PIGK: variants seen among roughly 807,000 people sequenced by gnomAD.
PIGK encodes phosphatidylinositol glycan anchor biosynthesis class K.
Under a neutral mutation model 50.6 loss-of-function variants are expected in PIGK, and 42 were observed. The observed-to-expected ratio is 0.83, with a 90% confidence interval of 0.65 to 1.07. PIGK has a LOEUF of 1.07. Among genes scored for constraint, PIGK ranks in the 50% least tolerant of loss-of-function variants. The pLI, the probability that PIGK is intolerant of heterozygous loss-of-function variation, is 0.00. For missense variants in PIGK, 448 were observed against 488.7 expected, an observed-to-expected ratio of 0.92 and a Z score of 0.78; for synonymous variants, 151 against 156.0, an observed-to-expected ratio of 0.97 and a Z score of 0.24.
intron 9 of PIGK, among the ~76,000 whole-genome samples, chr1:77,144,905 A>G (rs1654732926): frequency 1.3e-5 from 2 of 152,002 alleles, no homozygotes. Context: ...GTAAATAACA[A>G]TATAAAATAA....
chr1:77,191,220 G>T (rs1278347988), intron 3 of PIGK, among the ~76,000 whole-genome samples: 1 of 152,312 alleles, frequency 6.6e-6, no homozygotes, highest in East Asian at 1.9e-4. Flanking sequence ...GAATGTCACT[G>T]ATCTAGCGTA....
chr1:77,115,606 C>G (rs1653942744), intron 10 of PIGK, among the ~76,000 whole-genome samples: 2 of 152,046 alleles, frequency 1.3e-5, no homozygotes, highest in Admixed American at 1.3e-4. Context: ...AACGGACACA[C>G]CAGGATACTG....
chr1:77,120,056 G>A (rs554442072), intron 10 of PIGK, among the ~76,000 whole-genome samples: 1 of 152,234 alleles, frequency 6.6e-6, no homozygotes, highest in South Asian at 2.1e-4. Flanking sequence ...TCCTAAACAG[G>A]TGTAGGTAAA....
At chr1:77,130,076 T>C (rs1654332451) in intron 9 of PIGK, among the ~76,000 whole-genome samples, 2 of 151,762 alleles carry the variant, frequency 1.3e-5, no homozygotes, top group Admixed American at 1.3e-4. Context: ...GTTTGTCTTT[T>C]AAAAAATTAA....
At chr1:77,196,731 GCA>G (rs1208720393) in intron 3 of PIGK, among the ~76,000 whole-genome samples, 6 of 152,072 alleles carry the variant, frequency 3.9e-5, no homozygotes, top group East Asian at 3.9e-4. Context: ...TTTATCAGAT[GCA>G]CAGTTTGTAA....
chr1:77,135,730 G>C, intron 9 of PIGK, among the ~76,000 whole-genome samples: 1 of 149,690 alleles, frequency 6.7e-6, no homozygotes, highest in Non-Finnish European at 1.5e-5. Flanking sequence ...CTCTAAAAAT[G>C]TAAACTGCAT....
intron 9 of PIGK, among the ~76,000 whole-genome samples, chr1:77,142,719 A>G (rs1035473227): frequency 7.2e-5 from 11 of 152,114 alleles, no homozygotes; most frequent in South Asian, 2.1e-4. Flanking sequence ...ATCAGATCTT[A>G]TAAGAACCCA....
Position 77,096,418 on chromosome 1 carries a change from TG to T in PIGK, c.1072-3929del, listed in dbSNP as rs138304390. 4.0e-3 allele frequency among the ~76,000 whole-genome samples: 607 copies of T among 152,270 alleles called. 5 individuals are homozygous for T. The highest frequency in any genetic ancestry group is 0.014 in the African/African-American group (588 of 41,548). ...AATCAGCAGGTCTTATGACTTCTTT[TG>T]GCCAACAAAATGCAACACAAGTAAC... is the stretch of plus-strand genomic sequence containing the variant. On this transcript the variant is annotated intron_variant, in intron 10 of 10. Coordinates refer to ENST00000370812, the MANE Select transcript of PIGK (RefSeq NM_005482.3).
chr1:77,127,958 A>T (rs1176757234), intron 9 of PIGK, among the ~76,000 whole-genome samples: 1 of 152,214 alleles, frequency 6.6e-6, no homozygotes, highest in Admixed American at 6.5e-5. Context: ...ACAAGATATA[A>T]TTGATAAACC....
intron 3 of PIGK, among the ~76,000 whole-genome samples, chr1:77,180,897 T>C (rs1655596012): frequency 6.6e-6 from 1 of 152,108 alleles, no homozygotes; most frequent in South Asian, 2.1e-4. Flanking sequence ...ACTTTTCCCT[T>C]TAGCTTAAGT....
At chr1:77,157,386 A>G (rs913987500) in intron 8 of PIGK, among the ~76,000 whole-genome samples, 1 of 152,190 alleles carries the variant, frequency 6.6e-6, no homozygotes, top group African/African-American at 2.4e-5. Context: ...ACTAAATAGC[A>G]ATTAAGAGCA....
chr1:77,134,882 C>T (rs1243404271), intron 9 of PIGK, among the ~76,000 whole-genome samples: 1 of 151,864 alleles, frequency 6.6e-6, no homozygotes, highest in African/African-American at 2.4e-5. Context: ...AAATATTATT[C>T]TAAGAATTAT....
Position 77,092,334 on chromosome 1 carries a change from A to C in PIGK, c.*40T>G. On this transcript the variant is annotated 3_prime_UTR_variant, in exon 11 of 11. Transcript: ENST00000370812. ...ATATAATGACATAAATTATTATCCA[A>C]GTTTGCAGTCCTCCATGCATTCTTC... The C allele has an allele frequency of 3.7e-6, 3 of 815,472 alleles. No homozygotes were observed. The highest frequency in any genetic ancestry group is 2.0e-6 in the Non-Finnish European group (1 of 498,962). The allele number at this position is 815,472 out of a possible 1,614,324, so 50.5% of individuals were successfully genotyped here. A position where few individuals can be genotyped will look rare whatever the true frequency, so the allele number is the denominator to read the frequency against.
chr1:77,178,300 A>G (rs548563619), intron 3 of PIGK, among the ~76,000 whole-genome samples: 1 of 152,334 alleles, frequency 6.6e-6, no homozygotes, highest in South Asian at 2.1e-4. Flanking sequence ...GGAGGCCTTC[A>G]TACTTCTAGA....
chr1:77,158,614 G>A (rs1348265244), intron 8 of PIGK, among the ~76,000 whole-genome samples: 1 of 152,168 alleles, frequency 6.6e-6, no homozygotes, highest in African/African-American at 2.4e-5. Context: ...GGAACTACTG[G>A]GAATTGGAGC....
At chr1:77,185,249 G>C (rs1557817546) in intron 3 of PIGK, among the ~76,000 whole-genome samples, 1 of 152,146 alleles carries the variant, frequency 6.6e-6, no homozygotes, top group African/African-American at 2.4e-5. Flanking sequence ...CAACTCTCTA[G>C]TTTTGTGTCA....
At chr1:77,115,529 A>C (rs1653941179) in intron 10 of PIGK, among the ~76,000 whole-genome samples, 1 of 152,046 alleles carries the variant, frequency 6.6e-6, no homozygotes, top group Non-Finnish European at 1.5e-5. Flanking sequence ...CCTGCGATGC[A>C]CAGATCAGTC....
intron 4 of PIGK, among the ~76,000 whole-genome samples, chr1:77,167,910 C>G (rs1655270101): frequency 6.6e-6 from 1 of 152,108 alleles, no homozygotes; most frequent in Non-Finnish European, 1.5e-5. Context: ...GTTCCATGTT[C>G]ACTACCTGGG....
intron 2 of PIGK, among the ~76,000 whole-genome samples, chr1:77,208,387 T>C (rs1656340388): frequency 6.6e-6 from 1 of 152,210 alleles, no homozygotes; most frequent in African/African-American, 2.4e-5. Flanking sequence ...TTACTGAAAT[T>C]GAAGAGAGGT....
Sources: allele counts gnomAD v4.1 joint callset (sites outside exome capture counted in the v4.1 genomes callset), GRCh38; gene constraint gnomAD v4.1.1; transcripts MANE v1.5; gene names NCBI Gene and HGNC (gene_info 2026-07-23, HGNC 2026-07-21).